COG3: variants seen among roughly 807,000 people sequenced by gnomAD.
COG3 encodes the protein conserved oligomeric Golgi complex subunit 3.
A neutral mutation model predicts 114.1 loss-of-function variants in COG3; 32 were observed. That is an observed-to-expected ratio of 0.28 (90% confidence interval 0.21 to 0.38). The LOEUF (loss-of-function observed/expected upper bound fraction) is 0.38, where lower values mean the gene tolerates loss of function less well. Among genes scored for constraint, COG3 ranks in the 10% least tolerant of loss-of-function variants. COG3 has a pLI of 1.00. For missense variants in COG3, 813 were observed against 973.2 expected (o/e 0.84, Z 2.19); for synonymous variants, 352 against 365.7 (o/e 0.96, Z 0.43).
chr13:45,472,295 G>T (rs1356190855), intron 1 of COG3, among the ~76,000 whole-genome samples: 4 of 152,000 alleles, frequency 2.6e-5, no homozygotes, highest in African/African-American at 9.7e-5. Context: ...GTGCACAGAG[G>T]GGTTTGCCTG....
At chr13:45,495,077 C>G (rs1816659835) in intron 12 of COG3, among the ~76,000 whole-genome samples, 1 of 151,134 alleles carries the variant, frequency 6.6e-6, no homozygotes, top group Non-Finnish European at 1.5e-5. Flanking sequence ...ATCTCTTGAC[C>G]TCATGATCTG....
intron 2 of COG3, among the ~76,000 whole-genome samples, chr13:45,476,853 C>T (rs1885899379): frequency 6.6e-6 from 1 of 152,166 alleles, no homozygotes; most frequent in Non-Finnish European, 1.5e-5. Context: ...TTCCTTGTCT[C>T]CTCTTTCTTT....
At chr13:45,523,870 C>T (rs548700037) in intron 19 of COG3, among the ~76,000 whole-genome samples, 47 of 152,228 alleles carry the variant, frequency 3.1e-4, no homozygotes, top group African/African-American at 1.1e-3. Context: ...GGATAACATA[C>T]ACTAAAATGT....
chr13:45,529,863 T>C lies in COG3; in HGVS notation c.2303T>C (p.Met768Thr). 1 of 1,613,866 alleles carries C rather than the reference T, an allele frequency of 6.2e-7. No homozygotes were observed. Among genetic ancestry groups the C allele is most frequent in the Non-Finnish European group, 8.5e-7 (1 of 1,179,792 alleles). The change falls in exon 21 of 23, where the codon ATG (methionine) becomes ACG (threonine). Residue 768 changes from methionine (M) to threonine (T), a missense_variant. Physicochemically the swap from Met to Thr is moderately conservative, Grantham distance 81. Coordinates refer to ENST00000349995, the MANE Select transcript of COG3 (RefSeq NM_031431.4). ...AAGCTGCCTGTGACATTGAGAAGTA[T>C]GTCCTTGTACCTATCCAATAAAGAT... ...KTKLPVTLRS[M>T]SLYLSNKDTE...
chr13:45,474,546 T>TC (rs1566240933), intron 1 of COG3, among the ~76,000 whole-genome samples: 1 of 152,156 alleles, frequency 6.6e-6, no homozygotes, highest in African/African-American at 2.4e-5. Flanking sequence ...ATTAGAAACA[T>TC]CAAGTAATTT....
At chr13:45,516,354 C>G (rs1425167753) in intron 17 of COG3, 91 bp downstream of exon 17, 1 of 1,099,520 alleles carries the variant, frequency 9.1e-7, no homozygotes, top group Non-Finnish European at 1.2e-6. Context: ...TGTTCATCTG[C>G]AATTTTTTGC....
intron 1 of COG3, among the ~76,000 whole-genome samples, chr13:45,466,878 A>G (rs1378105311): frequency 2.6e-5 from 4 of 152,208 alleles, no homozygotes; most frequent in Admixed American, 2.6e-4. Flanking sequence ...TCTTTAACAT[A>G]TGTTATGTCC....
chr13:45,499,111 A>G (rs925962726), intron 13 of COG3, among the ~76,000 whole-genome samples: 2 of 152,168 alleles, frequency 1.3e-5, no homozygotes, highest in South Asian at 4.1e-4. Flanking sequence ...TAGAAAATAT[A>G]CATTTTAAAA....
Position 45,480,132 on chromosome 13 carries a change from A to C in COG3, c.391A>C (p.Arg131=), listed in dbSNP as rs1886158801. The C allele has an allele frequency of 6.2e-7, 1 of 1,610,250 alleles. No homozygotes were observed. The highest frequency in any genetic ancestry group is 1.7e-5 in the Admixed American group (1 of 59,798). The change falls in exon 4 of 23, where the codon AGG becomes CGG. Residue 131 remains arginine, a synonymous_variant. Transcript: ENST00000349995. ...TTTGGTTCTGTTTTCTAGACAGATG[A>C]GGGATTACTTGTCTGGGTTTCAGGA... is the stretch of plus-strand genomic sequence containing the variant. ...QDEGTKYRQM[R]DYLSGFQEQC...
intron 1 of COG3, 192 bp downstream of exon 1, chr13:45,465,402 C>A: frequency 1.0e-6 from 1 of 961,418 alleles, no homozygotes; most frequent in South Asian, 1.8e-5. Context: ...GACCCCGACT[C>A]TAATTCTGCC....
intron 9 of COG3, 64 bp downstream of exon 9, chr13:45,491,022 A>G: frequency 1.9e-6 from 2 of 1,048,852 alleles, no homozygotes; most frequent in South Asian, 1.4e-5. Flanking sequence ...TGTTTTTCCA[A>G]ATCTGGATCT....
intron 1 of COG3, 22 bp downstream of exon 1, chr13:45,465,232 G>A (rs374186273): frequency 1.9e-6 from 3 of 1,610,482 alleles, no homozygotes; most frequent in South Asian, 2.2e-5. Context: ...GGCAGGAACC[G>A]GGCCGGGGCG....
chr13:45,486,572 C>T lies in COG3; in HGVS notation c.921C>T (p.Val307=), dbSNP rs1886684333. ...AATTTCGAGCTGCTGCCCCCAAAGT[C>T]AGAGTAAGTCTATTGACATAACTAG... ...YVKFRAAAPK[V]RTLIEQIELR... The change falls in exon 8 of 23, where the codon GTC becomes GTT. Residue 307 remains valine, a synonymous_variant. Transcript: ENST00000349995. 1 of 1,583,486 alleles carries T rather than the reference C, an allele frequency of 6.3e-7. No individual in the cohort carries two copies. Among genetic ancestry groups the T allele is most frequent in the Non-Finnish European group, 8.7e-7 (1 of 1,152,240 alleles).
Position 45,491,448 on chromosome 13 carries a change from C to T in COG3, c.1005C>T (p.Tyr335=), listed in dbSNP as rs2137828893. ...QQLLNDIHQC[Y]LDQRELLLGP... is the part of the protein sequence containing the mutation. ...TGCTAAATGATATCCACCAGTGTTA[C>T]CTTGATCAGCGGGAGCTCCTTTTGG... is the stretch of plus-strand genomic sequence containing the variant. Residue 335 remains tyrosine, a synonymous_variant, in exon 10 of 23, where the codon TAC becomes TAT. Transcript: ENST00000349995. 3 of 1,613,484 alleles carry T rather than the reference C, an allele frequency of 1.9e-6. No individual in the cohort carries two copies. The highest frequency in any genetic ancestry group is 1.3e-5 in the African/African-American group (1 of 75,016).
At chr13:45,519,182 A>G (rs1871843942) in intron 19 of COG3, 88 bp downstream of exon 19, 20 of 1,423,884 alleles carry the variant, frequency 1.4e-5, no homozygotes, top group Non-Finnish European at 1.9e-5. Flanking sequence ...AAACTCTGGC[A>G]GAAGGAGATA....
intron 16 of COG3, among the ~76,000 whole-genome samples, chr13:45,514,535 T>C (rs559441287): frequency 7.9e-5 from 12 of 152,216 alleles, no homozygotes; most frequent in Non-Finnish European, 1.6e-4. Context: ...CTGTAGGCCA[T>C]CCTCTTTTAT....
intron 8 of COG3, among the ~76,000 whole-genome samples, chr13:45,488,082 G>A (rs1361971653): frequency 6.6e-6 from 1 of 152,184 alleles, no homozygotes; most frequent in Non-Finnish European, 1.5e-5. Flanking sequence ...GCAGCAACGT[G>A]AATGGAACTA....
At position 45,481,284 on chromosome 13, in the gene COG3, G is replaced by C. The variant is rs776653139; in HGVS notation, c.604G>C (p.Glu202Gln). The change falls in exon 5 of 23, where the codon GAA becomes CAA. Residue 202 changes from glutamate (E) to glutamine (Q), a missense_variant. Glu to Gln is a conservative substitution (Grantham distance 29). Transcript: ENST00000349995. ...TCAACAAAAGCTTTCCTATTTTAAC[G>C]AATTGGAAACTATTAACACAGTAAG... ...NIQQKLSYFN[E>Q]LETINTKLNS... 1.9e-6 allele frequency: 3 copies of C among 1,580,590 alleles called. No individual in the cohort carries two copies. The South Asian group carries it at 3.4e-5, about 18-fold the overall frequency.
At chr13:45,471,674 CT>C (rs758107965) in intron 1 of COG3, among the ~76,000 whole-genome samples, 2 of 150,098 alleles carry the variant, frequency 1.3e-5, no homozygotes, top group Non-Finnish European at 3.0e-5. Context: ...GAAGAATGTC[CT>C]TTAACATTTC....
Sources: allele counts gnomAD v4.1 joint callset (sites outside exome capture counted in the v4.1 genomes callset), GRCh38; gene constraint gnomAD v4.1.1; transcripts MANE v1.5; gene names NCBI Gene and HGNC (gene_info 2026-07-23, HGNC 2026-07-21).